The following SLC45A4 variants were observed in gnomAD, a reference collection of about 807,000 sequenced individuals.
The protein encoded by SLC45A4 is polyamine-transporter SLC45A4.
SLC45A4 carries 32 observed loss-of-function variants against 63.7 expected under a neutral mutation model. The ratio of observed to expected loss-of-function variants is 0.50; its 90% CI spans 0.38 to 0.67. SLC45A4 has a LOEUF of 0.67. Among genes scored for constraint, SLC45A4 ranks in the 30% least tolerant of loss-of-function variants. The probability of loss-of-function intolerance (pLI) is 0.00; values close to 1 mark genes in which losing one functional copy is unlikely to be tolerated. For missense variants in SLC45A4, 1,027 were observed against 1,157.7 expected (o/e 0.89, Z 1.64); for synonymous variants, 535 against 510.0 (o/e 1.05, Z -0.66).
intron 1 of SLC45A4, among the ~76,000 whole-genome samples, chr8:141,255,040 G>A (rs1428280817): frequency 2.0e-5 from 3 of 152,084 alleles, no homozygotes; most frequent in Non-Finnish European, 4.4e-5. Flanking sequence ...GGAGGTGAAG[G>A]GAAAAGTGGG....
intron 1 of SLC45A4, among the ~76,000 whole-genome samples, chr8:141,281,481 C>T (rs1460669525): frequency 6.6e-6 from 1 of 152,262 alleles, no homozygotes; most frequent in Non-Finnish European, 1.5e-5. Context: ...GTGCCTGTCA[C>T]AGCAGGCTCT....
chr8:141,268,906 C>T (rs1008254184), intron 1 of SLC45A4, among the ~76,000 whole-genome samples: 22 of 152,190 alleles, frequency 1.4e-4, no homozygotes, highest in Admixed American at 9.2e-4. Flanking sequence ...GCCTCTAGTC[C>T]CAGACACATG....
chr8:141,221,468 G>A (rs1826627751), intron 3 of SLC45A4, 109 bp downstream of exon 3: 1 of 1,372,170 alleles, frequency 7.3e-7, no homozygotes, highest in Admixed American at 2.4e-5. Flanking sequence ...CAGGCCCACA[G>A]AGGGTCAGCC....
chr8:141,254,775 C>T lies in SLC45A4; in HGVS notation c.-400-146G>A, dbSNP rs752451823. ...AGCTCTCTGCCACTCACTCTGGGTA[C>T]GTCTGTGCAAATAACCAAACCTACT... On this transcript the variant is annotated intron_variant, in intron 1 of 8. Coordinates refer to ENST00000517878, the MANE Select transcript of SLC45A4 (RefSeq NM_001286646.2). This position sits in a 1 kb window ranked among gnomAD's most constrained non-coding sequence, Gnocchi z 4.5. 2.2e-5 allele frequency: 14 copies of T among 647,276 alleles called. No individual in the cohort carries two copies. Among genetic ancestry groups the T allele is most frequent in the Non-Finnish European group, 3.1e-5 (11 of 350,472 alleles). The allele number at this position is 647,276 out of a possible 1,614,324, so 40.1% of individuals were successfully genotyped here.
At chr8:141,255,065 G>C (rs1365302988) in intron 1 of SLC45A4, among the ~76,000 whole-genome samples, 1 of 152,184 alleles carries the variant, frequency 6.6e-6, no homozygotes, top group African/African-American at 2.4e-5. Context: ...GTAGGCAAAA[G>C]AGAATCAAAA....
chr8:141,235,400 T>C (rs897688418), intron 2 of SLC45A4, among the ~76,000 whole-genome samples: 3 of 152,204 alleles, frequency 2.0e-5, no homozygotes, highest in Admixed American at 6.5e-5. Flanking sequence ...AGTTAAATCA[T>C]GCTCGGCTGT....
chr8:141,242,981 C>T (rs536593468), intron 2 of SLC45A4, among the ~76,000 whole-genome samples: 4 of 152,220 alleles, frequency 2.6e-5, no homozygotes, highest in Non-Finnish European at 4.4e-5. Context: ...GGCGAGGACC[C>T]ATCTACCGGG....
chr8:141,229,896 C>T lies in SLC45A4; in HGVS notation c.242-8131G>A, dbSNP rs1203273005. Among the ~76,000 whole-genome samples, 1 of 152,164 alleles carries T rather than the reference C, an allele frequency of 6.6e-6. No homozygotes were observed. The highest frequency in any genetic ancestry group is 1.5e-5 in the Non-Finnish European group (1 of 68,038). ...AAAGGGGCACGCTGGGAAAGGTGGG[C>T]ATTATGGAGATTAAAGGAGAACATG... On this transcript the variant is annotated intron_variant, in intron 2 of 8. Transcript: ENST00000517878. This position sits in a 1 kb window ranked among gnomAD's most constrained non-coding sequence, Gnocchi z 5.0.
At chr8:141,220,584 C>T (rs545667096) in intron 3 of SLC45A4, among the ~76,000 whole-genome samples, 2 of 152,334 alleles carry the variant, frequency 1.3e-5, no homozygotes, top group East Asian at 1.9e-4. Context: ...GCCCTCCTGA[C>T]AAGATTAGAG....
rs1331350681 is a variant in SLC45A4, at chr8:141,276,608, G to A, written c.-400-21979C>T. Among the ~76,000 whole-genome samples the A allele has an allele frequency of 3.9e-5, 6 of 152,098 alleles. No homozygotes were observed. The South Asian group carries it at 6.2e-4, about 16-fold the overall frequency. ...AGGATCCTTGGCGGGGACCTCACTC[G>A]GACTCTGCCCCAGTGTCGCCCACGC... On this transcript the variant is annotated intron_variant, in intron 1 of 8. Coordinates refer to ENST00000517878, the MANE Select transcript of SLC45A4 (RefSeq NM_001286646.2).
At chr8:141,245,299 G>A (rs1281064218) in intron 2 of SLC45A4, among the ~76,000 whole-genome samples, 1 of 152,154 alleles carries the variant, frequency 6.6e-6, no homozygotes, top group East Asian at 1.9e-4. Context: ...TGGGTTGCTG[G>A]CTGCTGCTAC....
At chr8:141,289,089 C>A (rs976889807) in intron 1 of SLC45A4, among the ~76,000 whole-genome samples, 11 of 152,178 alleles carry the variant, frequency 7.2e-5, no homozygotes, top group Non-Finnish European at 1.5e-4. Flanking sequence ...ATGAAACCAG[C>A]CAGGTGCGCG....
chr8:141,254,618 T>C lies in SLC45A4; in HGVS notation c.-389A>G. 1 of 699,946 alleles carries C rather than the reference T, an allele frequency of 1.4e-6. No individual in the cohort carries two copies. The highest frequency in any genetic ancestry group is 1.5e-5 in the South Asian group (1 of 67,356). 43.4% of individuals were successfully genotyped at this position (699,946 alleles called of 1,614,324 possible). A position where few individuals can be genotyped will look rare whatever the true frequency, so the allele number is the denominator to read the frequency against. On this transcript the variant is annotated 5_prime_UTR_variant, in exon 2 of 9. Transcript: ENST00000517878. The surrounding 1 kb of genome is among the most constrained non-coding windows in gnomAD (Gnocchi z 4.5). ...TGGTCCGCTGGTAATCCCCATCGAGTGACTGGATGATCTGCAAAAGAGGAA... is the reference window on the plus strand; with the variant it reads ...TGGTCCGCTGGTAATCCCCATCGAGCGACTGGATGATCTGCAAAAGAGGAA...
chr8:141,274,771 C>T (rs920656448), intron 1 of SLC45A4, among the ~76,000 whole-genome samples: 8 of 152,210 alleles, frequency 5.3e-5, no homozygotes, highest in African/African-American at 1.9e-4. Context: ...GATGACATGG[C>T]ATGGCTGAGC....
chr8:141,286,008 G>C (rs1159565087), intron 1 of SLC45A4, among the ~76,000 whole-genome samples: 1 of 152,186 alleles, frequency 6.6e-6, no homozygotes, highest in Non-Finnish European at 1.5e-5. Flanking sequence ...AGACGTGAGC[G>C]GCACCTCGTG....
chr8:141,219,092 G>T, intron 4 of SLC45A4, 63 bp from the exon 5 acceptor site: 1 of 1,550,958 alleles, frequency 6.4e-7, no homozygotes, highest in South Asian at 1.2e-5. Context: ...GGGAAGCTCT[G>T]GGAGGGCCTC....
At chr8:141,238,382 C>T (rs1344525722) in intron 2 of SLC45A4, among the ~76,000 whole-genome samples, 1 of 152,142 alleles carries the variant, frequency 6.6e-6, no homozygotes, top group Non-Finnish European at 1.5e-5. Context: ...GCGGTGAGCG[C>T]ACTTAGACTG....
rs925256206 is a variant in SLC45A4 at position 141,278,768 on chromosome 8, C to A, written c.-400-24139G>T. ...CTAACGTCTCAACAAGGCACAGACG[C>A]ACCCGCAAGGGAGTGGGCAGCACTG... On this transcript the variant is annotated intron_variant, in intron 1 of 8. Coordinates refer to ENST00000517878, the MANE Select transcript of SLC45A4 (RefSeq NM_001286646.2). This position sits in a 1 kb window ranked among gnomAD's most constrained non-coding sequence, Gnocchi z 4.1. 6.6e-6 allele frequency among the ~76,000 whole-genome samples: 1 copy of A among 152,262 alleles called. No homozygotes were observed. Among genetic ancestry groups the A allele is most frequent in the Non-Finnish European group, 1.5e-5 (1 of 68,048 alleles).
intron 1 of SLC45A4, among the ~76,000 whole-genome samples, chr8:141,259,623 C>T (rs911790790): frequency 3.3e-5 from 5 of 152,198 alleles, no homozygotes; most frequent in African/African-American, 1.2e-4. Flanking sequence ...GCTCACTGGA[C>T]CCCTTTAGAA....
Sources: gnomAD v4.1 joint callset for allele counts (sites outside exome capture counted in the v4.1 genomes callset) on GRCh38, gnomAD v4.1.1 for gene constraint, Gnocchi (gnomAD v3.1) non-coding constraint, MANE v1.5 for transcripts, NCBI Gene and HGNC (gene_info 2026-07-23, HGNC 2026-07-21) for gene names.